BIN3: variants seen among roughly 807,000 people sequenced by gnomAD.
The protein encoded by BIN3 is bridging integrator 3.
A neutral mutation model predicts 38.2 loss-of-function variants in BIN3; 41 were observed. That is an observed-to-expected ratio of 1.07 (90% CI 0.84 to 1.39). BIN3 has a LOEUF of 1.39. BIN3 is among the 40% of genes most tolerant of loss of function. BIN3 has a pLI of 0.00. For missense variants in BIN3, 361 were observed against 324.3 expected, an observed-to-expected ratio of 1.11 and a Z score of -0.87; for synonymous variants, 145 against 122.6, an observed-to-expected ratio of 1.18 and a Z score of -1.21.
At chr8:22,666,979 C>T (rs1010801204) in intron 1 of BIN3, among the ~76,000 whole-genome samples, 7 of 152,184 alleles carry the variant, frequency 4.6e-5, no homozygotes, top group South Asian at 4.1e-4. Flanking sequence ...GACCCAGCCC[C>T]GGTCTCCTTG....
intron 4 of BIN3, among the ~76,000 whole-genome samples, chr8:22,633,179 C>T (rs1008718507): frequency 5.3e-5 from 8 of 152,180 alleles, no homozygotes; most frequent in Non-Finnish European, 8.8e-5. Flanking sequence ...CCAAGAACAC[C>T]ATGGTCTTGG....
intron 1 of BIN3, among the ~76,000 whole-genome samples, chr8:22,668,821 C>G (rs1465168725): frequency 1.3e-5 from 2 of 152,254 alleles, no homozygotes; most frequent in Non-Finnish European, 2.9e-5. Flanking sequence ...CGCGGAGTCC[C>G]AGGCTAAGAG....
chr8:22,653,288 T>C (rs1308684287), intron 1 of BIN3, among the ~76,000 whole-genome samples: 1 of 152,236 alleles, frequency 6.6e-6, no homozygotes, highest in Non-Finnish European at 1.5e-5. Flanking sequence ...AACTGAGTTT[T>C]CTAACAATCA....
Position 22,643,866 on chromosome 8 carries a change from C to G in BIN3, c.57+889G>C, listed in dbSNP as rs76301679. ...TAGCTGTCACATCAGAGAGGCTCTA[C>G]AGTTGTGGTCTCCCATGTTAAAACC... On this transcript the variant is annotated intron_variant, in intron 2 of 8. Coordinates refer to ENST00000276416, the MANE Select transcript of BIN3 (RefSeq NM_018688.6). Among the ~76,000 whole-genome samples the G allele has an allele frequency of 8.9e-3, 1,358 of 152,356 alleles. 16 individuals are homozygous for G. The highest frequency in any genetic ancestry group is 0.031 in the African/African-American group (1,292 of 41,574).
At position 22,620,419 on chromosome 8, in the gene BIN3, T is replaced by A. The variant is rs201210112; in HGVS notation, c.*1003A>T. 1 of 114,782 alleles carries A rather than the reference T, an allele frequency of 8.7e-6. No homozygotes were observed. The highest frequency in any genetic ancestry group is 1.6e-5 in the Non-Finnish European group (1 of 61,464). 7.1% of individuals were successfully genotyped at this position (114,782 alleles called of 1,614,324 possible). A position where few individuals can be genotyped will look rare whatever the true frequency, so the allele number is the denominator to read the frequency against. The stretch of plus-strand genomic sequence containing the variant: ...TTGACTTTGTATATAAAGTTGGGGT[T>A]TTTTTTTTTTTTTTTTGGCTTGTTT... On this transcript the variant is annotated 3_prime_UTR_variant, in exon 9 of 9. Transcript: ENST00000276416.
intron 1 of BIN3, among the ~76,000 whole-genome samples, chr8:22,655,899 C>A (rs1215799033): frequency 6.6e-6 from 1 of 152,186 alleles, no homozygotes; most frequent in Non-Finnish European, 1.5e-5. Context: ...AATGCATCTA[C>A]TATTCCATAC....
At chr8:22,636,834 G>T in intron 3 of BIN3, 88 bp downstream of exon 3, 2 of 1,440,208 alleles carry the variant, frequency 1.4e-6, no homozygotes, top group Non-Finnish European at 1.9e-6. Context: ...TGCTCACGGG[G>T]CAGGGCACGG....
At chr8:22,636,998 T>G in intron 2 of BIN3, 36 bp from the exon 3 acceptor site, 1 of 1,603,104 alleles carries the variant, frequency 6.2e-7, no homozygotes, top group South Asian at 1.1e-5. Flanking sequence ...ATCGGAGAAA[T>G]GACAACACGG....
In BIN3 at chr8:22,669,058, G is replaced by A. The variant is rs201193668; in HGVS notation, c.-7C>T. The stretch of plus-strand genomic sequence containing the variant: ...GCCTCACTCACCAGCTCATGGTCCC[G>A]AACCTGCGTCTGCCGCCGGGGTCCT... On this transcript the variant is annotated 5_prime_UTR_variant, in exon 1 of 9. Transcript: ENST00000276416. 42 of 1,591,648 alleles carry A rather than the reference G, an allele frequency of 2.6e-5. No individual in the cohort carries two copies. In the South Asian group the frequency reaches 2.7e-4, roughly 10 times the overall value.
intron 8 of BIN3, among the ~76,000 whole-genome samples, chr8:22,623,083 C>T (rs905080185): frequency 3.9e-5 from 6 of 152,324 alleles, no homozygotes; most frequent in Admixed American, 6.5e-5. Context: ...TCAGACCACC[C>T]GGGCCAGGAG....
Position 22,620,615 on chromosome 8 carries a change from C to G in BIN3, c.*807G>C, listed in dbSNP as rs1008392434. 6.6e-6 allele frequency: 1 copy of G among 152,202 alleles called. No homozygotes were observed. The highest frequency in any genetic ancestry group is 1.5e-5 in the Non-Finnish European group (1 of 68,044). 9.4% of individuals were successfully genotyped at this position (152,202 alleles called of 1,614,324 possible). On this transcript the variant is annotated 3_prime_UTR_variant, in exon 9 of 9. Transcript: ENST00000276416. Reference sequence around the variant, plus strand: ...GAGGTGCGCACACACCCCTGGCATGCTGGGCTGCCTGCTGGAGGGTGCTGC... The same window carrying G: ...GAGGTGCGCACACACCCCTGGCATGGTGGGCTGCCTGCTGGAGGGTGCTGC...
chr8:22,621,280 AAG>A lies in BIN3; in HGVS notation c.*140_*141del, dbSNP rs1303459361. 1.5e-5 allele frequency: 17 copies of A among 1,130,268 alleles called. No individual in the cohort carries two copies. Among genetic ancestry groups the A allele is most frequent in the South Asian group, 3.2e-5 (2 of 62,920 alleles). 70.0% of individuals were successfully genotyped at this position (1,130,268 alleles called of 1,614,324 possible). A position where few individuals can be genotyped will look rare whatever the true frequency, so the allele number is the denominator to read the frequency against. ...TAGGGCTCCTGGTGCCAGGCTCAGG[AAG>A]AGTCATTCATTGCAAAGGGCCGGCA... On this transcript the variant is annotated 3_prime_UTR_variant, in exon 9 of 9. Coordinates refer to ENST00000276416, the MANE Select transcript of BIN3 (RefSeq NM_018688.6).
At chr8:22,623,162 G>A (rs1317746717) in intron 8 of BIN3, among the ~76,000 whole-genome samples, 1 of 152,248 alleles carries the variant, frequency 6.6e-6, no homozygotes, top group African/African-American at 2.4e-5. Context: ...CTGAGCGCAA[G>A]CCATCAGCAG....
chr8:22,626,822 CCT>C (rs1379500255), intron 6 of BIN3, among the ~76,000 whole-genome samples: 1 of 152,192 alleles, frequency 6.6e-6, no homozygotes, highest in Non-Finnish European at 1.5e-5. Flanking sequence ...CCCAACATCC[CCT>C]GAGGCACTCT....
chr8:22,649,179 T>C (rs1408354559), intron 1 of BIN3, among the ~76,000 whole-genome samples: 1 of 152,184 alleles, frequency 6.6e-6, no homozygotes, highest in Non-Finnish European at 1.5e-5. Flanking sequence ...TGTCCCAAAC[T>C]GGGACATTTT....
At chr8:22,635,088 T>G (rs1370101745) in intron 4 of BIN3, among the ~76,000 whole-genome samples, 2 of 152,170 alleles carry the variant, frequency 1.3e-5, no homozygotes, top group African/African-American at 2.4e-5. Context: ...TGCACCACCT[T>G]AGGGCCTCCG....
chr8:22,621,707 A>C (rs1244746091), intron 8 of BIN3, 139 bp from the exon 9 acceptor site: 1 of 852,620 alleles, frequency 1.2e-6, no homozygotes, highest in East Asian at 2.6e-5. Flanking sequence ...GGGGATATGC[A>C]GGGCACGGAA....
At chr8:22,624,930 C>A (rs1327753232) in intron 6 of BIN3, 2 of 242,154 alleles carry the variant, frequency 8.3e-6, no homozygotes, top group African/African-American at 4.4e-5. Flanking sequence ...CCAGCCCTCA[C>A]AGTGCCACTG....
intron 6 of BIN3, among the ~76,000 whole-genome samples, chr8:22,626,945 CG>C (rs937369256): frequency 6.6e-6 from 1 of 152,134 alleles, no homozygotes; most frequent in Non-Finnish European, 1.5e-5. Context: ...TGAGGGAGGC[CG>C]GGTTACAGAG....
Sources: allele counts gnomAD v4.1 joint callset (sites outside exome capture counted in the v4.1 genomes callset), GRCh38; gene constraint gnomAD v4.1.1; transcripts MANE v1.5; gene names NCBI Gene and HGNC (gene_info 2026-07-23, HGNC 2026-07-21).